TRDMT1: variants seen among roughly 807,000 people sequenced by gnomAD.
The protein encoded by TRDMT1 is tRNA (cytosine(38)-C(5))-methyltransferase.
A neutral mutation model predicts 51.2 loss-of-function variants in TRDMT1; 49 were observed. The observed-to-expected ratio is 0.96, with a 90% CI of 0.76 to 1.21. TRDMT1 has a LOEUF of 1.21. TRDMT1 is among the 50% of genes most tolerant of loss of function. TRDMT1 has a pLI of 0.00. For synonymous variants in TRDMT1, 187 were observed against 164.6 expected (o/e 1.14, Z -1.04); for missense variants, 534 against 462.3 (o/e 1.16, Z -1.42).
intron 1 of TRDMT1, among the ~76,000 whole-genome samples, chr10:17,186,830 T>C (rs1844000559): frequency 6.6e-6 from 1 of 152,204 alleles, no homozygotes; most frequent in African/African-American, 2.4e-5. Context: ...TTTCATAAAG[T>C]GGAGTATGAT....
intron 1 of TRDMT1, among the ~76,000 whole-genome samples, chr10:17,191,235 C>T (rs886998612): frequency 2.0e-5 from 3 of 152,130 alleles, no homozygotes. Flanking sequence ...CCATTCAGGA[C>T]TCTGGTTTCT....
intron 1 of TRDMT1, among the ~76,000 whole-genome samples, chr10:17,190,234 G>C (rs1844506383): frequency 6.6e-6 from 1 of 152,080 alleles, no homozygotes; most frequent in South Asian, 2.1e-4. Context: ...CAATATTTCT[G>C]ATAATGTTCC....
Position 17,143,033 on chromosome 10 carries a change from CT to C in TRDMT1, c.*6006del. 6 of 985,458 alleles carry C rather than the reference CT, an allele frequency of 6.1e-6. No homozygotes were observed. Among genetic ancestry groups the C allele is most frequent in the Non-Finnish European group, 7.2e-6 (6 of 829,932 alleles). 61.0% of individuals were successfully genotyped at this position (985,458 alleles called of 1,614,324 possible). A position where few individuals can be genotyped will look rare whatever the true frequency, so the allele number is the denominator to read the frequency against. ...GCGCTACTTTCCAAAAGCCAAAAGC[CT>C]ATCCCAGAATTATTTTTTAAATCAT... is the stretch of plus-strand genomic sequence containing the variant. On this transcript the variant is annotated 3_prime_UTR_variant, in exon 11 of 11. Transcript: ENST00000377799.
intron 2 of TRDMT1, among the ~76,000 whole-genome samples, chr10:17,173,962 G>GCTAT (rs1175274342): frequency 6.6e-6 from 1 of 151,980 alleles, no homozygotes; most frequent in Non-Finnish European, 1.5e-5. Context: ...ACCAGGTTTT[G>GCTAT]CTATGTCAGC....
chr10:17,162,044 G>C, intron 4 of TRDMT1, 122 bp downstream of exon 4: 2 of 811,934 alleles, frequency 2.5e-6, no homozygotes, highest in Non-Finnish European at 4.1e-6. Flanking sequence ...ATAAATGACA[G>C]GCCCAATATC....
intron 3 of TRDMT1, among the ~76,000 whole-genome samples, chr10:17,164,902 C>G (rs555893113): frequency 7.1e-4 from 108 of 152,298 alleles, no homozygotes; most frequent in African/African-American, 2.5e-3. Context: ...ATTCCATGCT[C>G]AGGGATAGGA....
chr10:17,201,269 C>T (rs944007061), intron 1 of TRDMT1: 2 of 341,754 alleles, frequency 5.9e-6, no homozygotes, highest in Non-Finnish European at 1.1e-5. Context: ...GAGGGTCTCG[C>T]CCCTTTGATA....
Position 17,148,751 on chromosome 10 carries a change from A to C in TRDMT1, c.*289T>G. On this transcript the variant is annotated 3_prime_UTR_variant, in exon 11 of 11. Transcript: ENST00000377799. ...GACACTAAAGCTCTAGTGCTCCTTG[A>C]TTTGTTTATAAAATTGTTTTTAAAA... The C allele has an allele frequency of 9.7e-7, 1 of 1,030,456 alleles. No individual in the cohort carries two copies. The highest frequency in any genetic ancestry group is 1.2e-6 in the Non-Finnish European group (1 of 858,114). 63.8% of individuals were successfully genotyped at this position (1,030,456 alleles called of 1,614,324 possible).
chr10:17,183,493 C>A (rs1843523727), intron 1 of TRDMT1, among the ~76,000 whole-genome samples: 1 of 152,198 alleles, frequency 6.6e-6, no homozygotes, highest in South Asian at 2.1e-4. Context: ...TCTCAGCTCA[C>A]TGCAATCTCC....
intron 1 of TRDMT1, among the ~76,000 whole-genome samples, chr10:17,177,268 C>G (rs565835832): frequency 3.3e-5 from 5 of 151,700 alleles, no homozygotes; most frequent in African/African-American, 1.2e-4. Flanking sequence ...ATGATCTCGG[C>G]TCACTGCAAC....
intron 1 of TRDMT1, 93 bp downstream of exon 1, chr10:17,201,478 C>CCACAGTGTCCGCCA: frequency 2.2e-6 from 3 of 1,358,496 alleles, no homozygotes; most frequent in Non-Finnish European, 3.0e-6. Context: ...AGTGTCCGCC[C>CCACAGTGTCCGCCA]CTTGCGTCTC....
At chr10:17,177,033 G>A (rs761581008) in intron 1 of TRDMT1, among the ~76,000 whole-genome samples, 5 of 151,894 alleles carry the variant, frequency 3.3e-5, no homozygotes, top group Non-Finnish European at 7.4e-5. Context: ...AACAGAGGAA[G>A]AGGATGTGTT....
intron 1 of TRDMT1, among the ~76,000 whole-genome samples, chr10:17,192,142 GAA>G (rs1193750940): frequency 1.3e-5 from 2 of 152,182 alleles, no homozygotes; most frequent in African/African-American, 4.8e-5. Flanking sequence ...AAAATGGAGA[GAA>G]ATGATAGAGT....
intron 1 of TRDMT1, among the ~76,000 whole-genome samples, chr10:17,180,550 A>C (rs796360459): frequency 1.5e-5 from 2 of 134,504 alleles, no homozygotes; most frequent in African/African-American, 4.9e-5. Context: ...AAAAAAAAAA[A>C]AAAAAAACTC....
At chr10:17,170,234 T>G (rs7912931) in intron 2 of TRDMT1, among the ~76,000 whole-genome samples, 1 of 152,076 alleles carries the variant, frequency 6.6e-6, no homozygotes, top group African/African-American at 2.4e-5. Context: ...GGCCAACTGA[T>G]AAGGCAGTTA....
rs1837669716 is a variant in TRDMT1, at chr10:17,141,350, C to CG, written c.*7689dup. Among the ~76,000 whole-genome samples the CG allele has an allele frequency of 6.6e-6, 1 of 152,028 alleles. No individual in the cohort carries two copies. The highest frequency in any genetic ancestry group is 1.5e-5 in the Non-Finnish European group (1 of 67,978). On this transcript the variant is annotated 3_prime_UTR_variant, in exon 11 of 11. Transcript: ENST00000377799. ...CTAATTTTTTTGATTTTAGTAGAGA[C>CG]GGGGTTTCACCATGTTGGAAAGGAT... is the stretch of plus-strand genomic sequence containing the variant.
At chr10:17,201,396 A>C in intron 1 of TRDMT1, 175 bp downstream of exon 1, 1 of 571,558 alleles carries the variant, frequency 1.7e-6, no homozygotes. Context: ...CAGCGTCTGG[A>C]GGGGTGGACA....
chr10:17,185,822 C>T (rs1843817970), intron 1 of TRDMT1, among the ~76,000 whole-genome samples: 1 of 152,062 alleles, frequency 6.6e-6, no homozygotes, highest in Non-Finnish European at 1.5e-5. Context: ...AACCAAACAC[C>T]ACACATTCTC....
Position 17,139,339 on chromosome 10 carries a change from G to C in TRDMT1, c.*9701C>G. 2.6e-6 allele frequency: 1 copy of C among 380,060 alleles called. No homozygotes were observed. The highest frequency in any genetic ancestry group is 3.6e-6 in the Non-Finnish European group (1 of 276,518). 23.5% of individuals were successfully genotyped at this position (380,060 alleles called of 1,614,324 possible). A position where few individuals can be genotyped will look rare whatever the true frequency, so the allele number is the denominator to read the frequency against. ...ATTGCACTCAGACTTCAGCATGAAT[G>C]ACAGAAGAAATGTAGGTGGTAAATA... On this transcript the variant is annotated 3_prime_UTR_variant, in exon 11 of 11. Transcript: ENST00000377799.
Sources: gnomAD v4.1 joint callset for allele counts (sites outside exome capture counted in the v4.1 genomes callset) on GRCh38, gnomAD v4.1.1 for gene constraint, MANE v1.5 for transcripts, NCBI Gene and HGNC (gene_info 2026-07-23, HGNC 2026-07-21) for gene names.